Variants in GRAMD4 observed in about 807,000 individuals in gnomAD.
The protein encoded by GRAMD4 is GRAM domain-containing protein 4.
GRAMD4 carries 25 observed loss-of-function variants against 83.9 expected under a neutral mutation model. The ratio of observed to expected loss-of-function variants is 0.30; its 90% CI spans 0.22 to 0.42. GRAMD4 has a LOEUF of 0.42. Among genes scored for constraint, GRAMD4 ranks in the 10% least tolerant of loss-of-function variants. GRAMD4 has a pLI of 1.00. For missense variants in GRAMD4, 593 were observed against 788.7 expected, an observed-to-expected ratio of 0.75 and a Z score of 2.97; for synonymous variants, 336 against 320.9, an observed-to-expected ratio of 1.05 and a Z score of -0.50.
At chr22:46,609,808 G>C (rs1729623131) in intron 1 of GRAMD4, among the ~76,000 whole-genome samples, 1 of 152,240 alleles carries the variant, frequency 6.6e-6, no homozygotes, top group African/African-American at 2.4e-5. Context: ...CTGGCTCCTG[G>C]CTTCACCAGT....
rs1380095542 is a variant in GRAMD4 at position 46,679,454 on chromosome 22, A to T, written c.*2203A>T. The T allele has an allele frequency of 1.0e-6, 1 of 985,410 alleles. No homozygotes were observed. The highest frequency in any genetic ancestry group is 1.2e-6 in the Non-Finnish European group (1 of 829,934). The allele number at this position is 985,410 out of a possible 1,614,324, so 61.0% of individuals were successfully genotyped here. On this transcript the variant is annotated 3_prime_UTR_variant, in exon 19 of 19. Coordinates refer to ENST00000406902, the MANE Select transcript of GRAMD4 (RefSeq NM_015124.5). ...CCTCCCTGGAAGTCCTCGGGAGCGG[A>T]GCGCGGATCGGCACGGGCTCTGGGC...
intron 17 of GRAMD4, 101 bp from the exon 18 acceptor site, chr22:46,676,499 G>C (rs1344166671): frequency 1.9e-6 from 2 of 1,032,392 alleles, no homozygotes; most frequent in East Asian, 5.2e-5. Context: ...GGGCCCTGCT[G>C]CCTGTGTGCC....
intron 1 of GRAMD4, among the ~76,000 whole-genome samples, chr22:46,583,726 C>T (rs370650906): frequency 6.6e-6 from 1 of 152,348 alleles, no homozygotes; most frequent in Non-Finnish European, 1.5e-5. Flanking sequence ...AACCACGTCA[C>T]GCCAGGCGCA....
At chr22:46,619,301 A>G (rs1188887937), upstream of GRAMD4, among the ~76,000 whole-genome samples, 8 of 152,072 alleles carry the variant, frequency 5.3e-5, no homozygotes, top group Non-Finnish European at 1.2e-4. Context: ...AGGGAGGTGC[A>G]AGTATGTGGC....
At chr22:46,618,361 C>T (rs1016722912), upstream of GRAMD4, among the ~76,000 whole-genome samples, 6 of 151,550 alleles carry the variant, frequency 4.0e-5, no homozygotes, top group Admixed American at 6.6e-5. This position sits in a 1 kb window ranked among gnomAD's most constrained non-coding sequence, Gnocchi z 5.8. Context: ...AAGGACCCCA[C>T]GTCAAACCAA....
chr22:46,636,189 A>G (rs138473), intron 2 of GRAMD4, among the ~76,000 whole-genome samples: 138,272 of 152,238 alleles, frequency 0.91, 62,985 homozygotes, highest in East Asian at 1. Context: ...GACCTCCTTG[A>G]GACTCTTTTG....
chr22:46,595,025 TC>T (rs2081247500), intron 1 of GRAMD4, among the ~76,000 whole-genome samples: 1 of 152,094 alleles, frequency 6.6e-6, no homozygotes. Flanking sequence ...TACCTGTCGT[TC>T]CCGCCTCCTG....
rs1312814728 is a variant in GRAMD4 at position 46,626,938 on chromosome 22, G to A, written c.139G>A (p.Asp47Asn). The change falls in exon 2 of 19, where the codon GAC becomes AAC. Residue 47 changes from aspartate to asparagine, a missense_variant. Transcript: ENST00000406902. ...PLKVPRTSPRDSEELRDPAGP... is the reference protein window; with the variant it reads ...PLKVPRTSPRNSEELRDPAGP... Reference sequence around the variant, plus strand: ...GAAGGTACCGCGGACCTCGCCCCGGGACAGCGAGGAGCTGAGGGACCCTGT... The same window carrying A: ...GAAGGTACCGCGGACCTCGCCCCGGAACAGCGAGGAGCTGAGGGACCCTGT... 6.2e-7 allele frequency: 1 copy of A among 1,613,800 alleles called. No individual in the cohort carries two copies. The highest frequency in any genetic ancestry group is 8.5e-7 in the Non-Finnish European group (1 of 1,179,704).
intron 2 of GRAMD4, among the ~76,000 whole-genome samples, chr22:46,635,698 GCT>G (rs1422372112): frequency 1.1e-5 from 1 of 93,712 alleles, no homozygotes; most frequent in African/African-American, 5.4e-5. Flanking sequence ...TGTCCTCCCT[GCT>G]CCCCACCCCT....
intron 3 of GRAMD4, among the ~76,000 whole-genome samples, chr22:46,648,457 GTGGA>G (rs1023293344): frequency 2.2e-5 from 3 of 135,762 alleles, no homozygotes; most frequent in Admixed American, 7.2e-5. Flanking sequence ...GGATGGATGA[GTGGA>G]TGGATGGATG....
chr22:46,644,461 T>TA (rs2082037384), intron 3 of GRAMD4, among the ~76,000 whole-genome samples: 1 of 152,162 alleles, frequency 6.6e-6, no homozygotes, highest in African/African-American at 2.4e-5. Flanking sequence ...TTTTCCATGT[T>TA]ACACCTGTCC....
At chr22:46,663,745 G>C (rs2082366355) in intron 6 of GRAMD4, 93 bp from the exon 7 acceptor site, 5 of 1,244,648 alleles carry the variant, frequency 4.0e-6, no homozygotes, top group African/African-American at 1.5e-5. Context: ...CGTCCTCCCT[G>C]GCCCCTGCAG....
exon 1 of GRAMD4, chr22:46,577,207 G>C (rs2081050264): frequency 3.5e-6 from 3 of 853,648 alleles, no homozygotes; most frequent in Non-Finnish European, 4.2e-6. Context: ...CTCCCGGGCG[G>C]GCGGCAGGCG....
At chr22:46,635,683 AGCTGTGTCCTCCCTGCTCCCC>A (rs2081870223) in intron 2 of GRAMD4, among the ~76,000 whole-genome samples, 1 of 76,776 alleles carries the variant, frequency 1.3e-5, no homozygotes, top group African/African-American at 7.2e-5. Flanking sequence ...TGTCCAGGGG[AGCTGTGTCCTCCCTGCTCCCC>A]ACCCCTGACC....
intron 15 of GRAMD4, among the ~76,000 whole-genome samples, chr22:46,674,336 G>T (rs1301629070): frequency 6.6e-6 from 1 of 152,158 alleles, no homozygotes; most frequent in East Asian, 1.9e-4. Flanking sequence ...GCCGGTCTTG[G>T]TGGAGGTGGT....
At chr22:46,668,280 G>A (rs967121015) in intron 11 of GRAMD4, 113 bp downstream of exon 11, 2 of 699,552 alleles carry the variant, frequency 2.9e-6, no homozygotes, top group Non-Finnish European at 4.9e-6. Context: ...TGCTGCCTGG[G>A]GAGGGCCGTG....
At chr22:46,623,079 C>G (rs991429870) in intron 1 of GRAMD4, among the ~76,000 whole-genome samples, 6 of 152,144 alleles carry the variant, frequency 3.9e-5, no homozygotes, top group Non-Finnish European at 7.4e-5. Flanking sequence ...ACGTCTGGCC[C>G]CATAGCGCCC....
intron 3 of GRAMD4, among the ~76,000 whole-genome samples, chr22:46,643,922 G>C (rs965605287): frequency 6.6e-6 from 1 of 152,074 alleles, no homozygotes; most frequent in African/African-American, 2.4e-5. Context: ...CCAAAGTCAA[G>C]GTATATTCAG....
rs758294347 is a variant in GRAMD4, at chr22:46,626,844, A to G, written c.45A>G (p.Arg15=). The G allele has an allele frequency of 4.3e-6, 7 of 1,613,838 alleles. No individual in the cohort carries two copies. Among genetic ancestry groups the G allele is most frequent in the Non-Finnish European group, 5.9e-6 (7 of 1,179,712 alleles). Residue 15 remains arginine, a synonymous_variant, in exon 2 of 19, where the codon AGA becomes AGG. Transcript: ENST00000406902. ...AAATCAGGTTCAGAGGTCACAAGAG[A>G]GATGACTTCCTCGATCTAGCGGAGT... ...LDKIRFRGHK[R]DDFLDLAESP...
Sources: gnomAD v4.1 joint callset for allele counts (sites outside exome capture counted in the v4.1 genomes callset) on GRCh38, gnomAD v4.1.1 for gene constraint, Gnocchi (gnomAD v3.1) non-coding constraint, MANE v1.5 for transcripts, NCBI Gene and HGNC (gene_info 2026-07-23, HGNC 2026-07-21) for gene names.